The following ERFE variants were observed in gnomAD, a reference collection of about 807,000 sequenced individuals.
The protein encoded by ERFE is erythroferrone.
Under a neutral mutation model 26.6 loss-of-function variants are expected in ERFE, and 25 were observed. The observed-to-expected ratio is 0.94, with a 90% CI of 0.69 to 1.31. The LOEUF (loss-of-function observed/expected upper bound fraction) is 1.31. Ranked by LOEUF, ERFE falls within the 40% of genes most tolerant of loss-of-function variation. ERFE has a pLI of 0.00. For synonymous variants in ERFE, 206 were observed against 204.5 expected (o/e 1.01, Z -0.06); for missense variants, 447 against 440.2 (o/e 1.02, Z -0.14).
Position 238,168,517 on chromosome 2 carries a change from C to T in ERFE, c.*1463C>T, listed in dbSNP as rs755610243. ...CGGATGAGGTGGCTGCCACCAGGCC[C>T]GAATGATCCCCAGGAGCCCAGCTTC... is the stretch of plus-strand genomic sequence containing the variant. On this transcript the variant is annotated 3_prime_UTR_variant, in exon 8 of 8. Transcript: ENST00000546354. 27 of 464,156 alleles carry T rather than the reference C, an allele frequency of 5.8e-5. No individual in the cohort carries two copies. Among genetic ancestry groups the T allele is most frequent in the South Asian group, 3.9e-4 (25 of 63,768 alleles). The allele number at this position is 464,156 out of a possible 1,614,324, so 28.8% of individuals were successfully genotyped here.
At chr2:238,165,138 T>A (rs910374596) in intron 6 of ERFE, among the ~76,000 whole-genome samples, 1 of 152,184 alleles carries the variant, frequency 6.6e-6, no homozygotes, top group African/African-American at 2.4e-5. Flanking sequence ...ACGAGTGCAG[T>A]GACTGTGAGC....
Position 238,161,240 on chromosome 2 carries a change from G to A in ERFE, c.199-354G>A, listed in dbSNP as rs902993108. On this transcript the variant is annotated intron_variant, in intron 1 of 7. Coordinates refer to ENST00000546354, the MANE Select transcript of ERFE (RefSeq NM_001291832.2). Reference sequence around the variant, plus strand: ...CGGATCCTCCTGGTGACTGGAGGACGGTGTGATCACTGCAGCTCCTCTGGA... The same window carrying A: ...CGGATCCTCCTGGTGACTGGAGGACAGTGTGATCACTGCAGCTCCTCTGGA... Among the ~76,000 whole-genome samples, 8 of 152,168 alleles carry A rather than the reference G, an allele frequency of 5.3e-5. No individual in the cohort carries two copies. The South Asian group carries it at 6.2e-4, about 12-fold the overall frequency.
Position 238,163,862 on chromosome 2 carries a change from G to C in ERFE, c.550G>C (p.Asp184His), listed in dbSNP as rs1453951937. Reference protein sequence around the residue: ...AGEDDDDVVGDVLALLAAPLA... With the variant: ...AGEDDDDVVGHVLALLAAPLA... ...GGAGGACGACGACGACGTGGTGGGGGACGTGCTGGCACTGCTGGCCGCGCC... is the reference window on the plus strand; with the variant it reads ...GGAGGACGACGACGACGTGGTGGGGCACGTGCTGGCACTGCTGGCCGCGCC... Residue 184 changes from aspartate to histidine, a missense_variant, in exon 4 of 8, where the codon GAC (aspartate) becomes CAC (histidine). By Grantham distance (81) the Asp-to-His change is moderately conservative. Coordinates refer to ENST00000546354, the MANE Select transcript of ERFE (RefSeq NM_001291832.2). 1 of 1,321,986 alleles carries C rather than the reference G, an allele frequency of 7.6e-7. No homozygotes were observed. Among genetic ancestry groups the C allele is most frequent in the Non-Finnish European group, 9.6e-7 (1 of 1,043,806 alleles). 81.9% of individuals were successfully genotyped at this position (1,321,986 alleles called of 1,614,324 possible). A position where few individuals can be genotyped will look rare whatever the true frequency, so the allele number is the denominator to read the frequency against.
rs771423741 is a variant in ERFE, at chr2:238,168,094, C to G, written c.*1040C>G. 3.2e-5 allele frequency: 7 copies of G among 221,952 alleles called. No individual in the cohort carries two copies. The South Asian group carries it at 3.6e-4, about 11-fold the overall frequency. The allele number at this position is 221,952 out of a possible 1,614,324, so 13.7% of individuals were successfully genotyped here. A position where few individuals can be genotyped will look rare whatever the true frequency, so the allele number is the denominator to read the frequency against. ...GCGCTGACATTGGACAGGTGGTGGA[C>G]GAGAGATGGTCCCGAGAAAGGGTGG... On this transcript the variant is annotated 3_prime_UTR_variant, in exon 8 of 8. Coordinates refer to ENST00000546354, the MANE Select transcript of ERFE (RefSeq NM_001291832.2).
In ERFE at chr2:238,167,011, T is replaced by C. The variant is rs1433371471; in HGVS notation, c.1022T>C (p.Val341Ala). ...LDNASGCSLT[V>A]RSGSHFSAVL... ...AACGCCAGCGGCTGCTCCCTCACAG[T>C]GCGCAGTGGCTCCCACTTCAGTGCT... Residue 341 changes from valine to alanine, a missense_variant, in exon 8 of 8, where the codon GTG (valine) becomes GCG (alanine). Coordinates refer to ENST00000546354, the MANE Select transcript of ERFE (RefSeq NM_001291832.2). 2.6e-6 allele frequency: 4 copies of C among 1,550,512 alleles called. No homozygotes were observed. The highest frequency in any genetic ancestry group is 2.0e-5 in the Admixed American group (1 of 51,008).
rs893179735 is a variant in ERFE, at chr2:238,162,766, G to C, written c.352G>C (p.Gly118Arg). The C allele has an allele frequency of 6.5e-7, 1 of 1,550,088 alleles. No individual in the cohort carries two copies. ...FGLPGPPGPPGPQGPPGPIIP... is the reference protein window; with the variant it reads ...FGLPGPPGPPRPQGPPGPIIP... ...CTTGCCAGGGCCCCCTGGGCCTCCCGGTCCCCAGGGCCCCCCAGGCCCCAT... is the reference window on the plus strand; with the variant it reads ...CTTGCCAGGGCCCCCTGGGCCTCCCCGTCCCCAGGGCCCCCCAGGCCCCAT... The change falls in exon 3 of 8, where the codon GGT (glycine) becomes CGT (arginine). Residue 118 changes from glycine (G) to arginine (R), a missense_variant. Transcript: ENST00000546354.
In ERFE at chr2:238,159,222, C is replaced by G; in HGVS notation, c.198+17C>G. On this transcript the variant is annotated intron_variant, in intron 1 of 7. Transcript: ENST00000546354. The stretch of plus-strand genomic sequence containing the variant: ...CGTCCGCCGGTAAGACGCCCGGGCC[C>G]GCTCCAGACCCAGCCCGCGCCCGCA... 4.8e-6 allele frequency: 1 copy of G among 208,238 alleles called. No individual in the cohort carries two copies. Among genetic ancestry groups the G allele is most frequent in the Non-Finnish European group, 9.4e-6 (1 of 105,834 alleles). The allele number at this position is 208,238 out of a possible 1,614,324, so 12.9% of individuals were successfully genotyped here. A position where few individuals can be genotyped will look rare whatever the true frequency, so the allele number is the denominator to read the frequency against.
chr2:238,163,691 C>A (rs571192774), intron 3 of ERFE, 46 bp from the exon 4 acceptor site: 4 of 1,266,240 alleles, frequency 3.2e-6, no homozygotes, highest in Non-Finnish European at 4.0e-6. Context: ...ACGCGGCGGG[C>A]GGGTGAGGGG....
intron 3 of ERFE, 124 bp from the exon 4 acceptor site, chr2:238,163,613 C>T: frequency 8.7e-7 from 1 of 1,147,832 alleles, no homozygotes; most frequent in Non-Finnish European, 1.1e-6. Context: ...GGGGACGTCG[C>T]CCTCGCCCCA....
intron 7 of ERFE, 69 bp downstream of exon 7, chr2:238,165,753 G>A (rs1693024461): frequency 1.4e-6 from 2 of 1,425,544 alleles, no homozygotes; most frequent in African/African-American, 2.8e-5. Context: ...GGGTGCAGAA[G>A]GGTGCTGTTA....
In ERFE at chr2:238,164,398, G is replaced by A. The variant is rs1692998532; in HGVS notation, c.887+38G>A. The A allele has an allele frequency of 3.9e-6, 6 of 1,532,722 alleles. No homozygotes were observed. The East Asian group carries it at 1.5e-4, about 38-fold the overall frequency. The allele number at this position is 1,532,722 out of a possible 1,614,324, so 94.9% of individuals were successfully genotyped here. ...CGGCCCGGACCCCACACCCGCATTC[G>A]CTCGGCCTCCACAAGCTGGAGGTGG... On this transcript the variant is annotated intron_variant, in intron 6 of 7. Transcript: ENST00000546354.
rs1472322308 is a variant in ERFE at position 238,159,054 on chromosome 2, ACGCGGGCCTGCTGGCCGCCGCCGC to A, written c.58_81del (p.Leu20_Leu27del). 2.4e-4 allele frequency: 60 copies of A among 252,568 alleles called. No homozygotes were observed. The highest frequency in any genetic ancestry group is 1.1e-3 in the East Asian group (14 of 12,838). The allele number at this position is 252,568 out of a possible 1,614,324, so 15.6% of individuals were successfully genotyped here. On this transcript the variant is annotated inframe_deletion, in exon 1 of 8. Transcript: ENST00000546354. The stretch of plus-strand genomic sequence containing the variant: ...GCCGGAGCCCGCCTGCTGCTCGTCT[ACGCGGGCCTGCTGGCCGCCGCCGC>A]CGCGGGCCTGGGGTCCCCGGAGCCT...
At chr2:238,161,474 G>C (rs954142139) in intron 1 of ERFE, 120 bp from the exon 2 acceptor site, 1 of 1,289,258 alleles carries the variant, frequency 7.8e-7, no homozygotes, top group Admixed American at 3.0e-5. Context: ...GGCACCACAG[G>C]TGACAAGGAC....
In ERFE at chr2:238,163,747, G is replaced by A; in HGVS notation, c.435G>A (p.Arg145=). 1 of 1,346,058 alleles carries A rather than the reference G, an allele frequency of 7.4e-7. No individual in the cohort carries two copies. The highest frequency in any genetic ancestry group is 9.5e-7 in the Non-Finnish European group (1 of 1,054,204). The allele number at this position is 1,346,058 out of a possible 1,614,324, so 83.4% of individuals were successfully genotyped here. The change falls in exon 4 of 8, where the codon CGG becomes CGA. Residue 145 remains arginine, a synonymous_variant. Coordinates refer to ENST00000546354, the MANE Select transcript of ERFE (RefSeq NM_001291832.2). ...EFQLLLKGAV[R]QRERAEPEPC... Reference sequence around the variant, plus strand: ...CTCGCTCTGTGCCAGGTGCGGTGCGGCAGCGGGAGCGCGCGGAGCCCGAAC... The same window carrying A: ...CTCGCTCTGTGCCAGGTGCGGTGCGACAGCGGGAGCGCGCGGAGCCCGAAC...
Position 238,164,314 on chromosome 2 carries a change from C to A in ERFE, c.841C>A (p.His281Asn). The change falls in exon 6 of 8, where the codon CAC becomes AAC. Residue 281 changes from histidine (H) to asparagine (N), a missense_variant. His to Asn is a moderately conservative substitution (Grantham distance 68, BLOSUM62 1). Coordinates refer to ENST00000546354, the MANE Select transcript of ERFE (RefSeq NM_001291832.2). ...GAGGGGGCCGCCGCGCCCCCGGGAC[C>A]ACCTGCGCCTGCTCATCTGCATCCA... Reference protein sequence around the residue: ...PRRGPPRPRDHLRLLICIQSR... With the variant: ...PRRGPPRPRDNLRLLICIQSR... The A allele has an allele frequency of 6.5e-7, 1 of 1,527,064 alleles. No homozygotes were observed. The allele number at this position is 1,527,064 out of a possible 1,614,324, so 94.6% of individuals were successfully genotyped here.
At chr2:238,159,424 TAAAGC>T (rs1692906138) in intron 1 of ERFE, among the ~76,000 whole-genome samples, 1 of 152,128 alleles carries the variant, frequency 6.6e-6, no homozygotes. Context: ...TAGTTTGACT[TAAAGC>T]AAGGTTCTAC....
rs994063124 is a variant in ERFE, at chr2:238,162,896, G to T, written c.424+58G>T. On this transcript the variant is annotated intron_variant, in intron 3 of 7. Transcript: ENST00000546354. ...CCCGCTGTGAGCAGGGCCTGGGAGG[G>T]TGTCCCGAGGAGCTGACAGGGCCAA... 2.6e-5 allele frequency: 36 copies of T among 1,396,118 alleles called. No homozygotes were observed. The Middle Eastern group carries it at 5.5e-4, about 21-fold the overall frequency. The allele number at this position is 1,396,118 out of a possible 1,614,324, so 86.5% of individuals were successfully genotyped here.
At chr2:238,165,487 C>A (rs1185666644) in intron 6 of ERFE, 119 bp from the exon 7 acceptor site, 2 of 793,976 alleles carry the variant, frequency 2.5e-6, no homozygotes, top group East Asian at 5.5e-5. Context: ...CACTGGAAGA[C>A]CTGGCCAGGG....
chr2:238,163,863 A>G lies in ERFE; in HGVS notation c.551A>G (p.Asp184Gly). 7.6e-7 allele frequency: 1 copy of G among 1,314,096 alleles called. No homozygotes were observed. The highest frequency in any genetic ancestry group is 9.6e-7 in the Non-Finnish European group (1 of 1,039,006). 81.4% of individuals were successfully genotyped at this position (1,314,096 alleles called of 1,614,324 possible). A position where few individuals can be genotyped will look rare whatever the true frequency, so the allele number is the denominator to read the frequency against. The change falls in exon 4 of 8, where the codon GAC becomes GGC. Residue 184 changes from aspartate (D) to glycine (G), a missense_variant. Coordinates refer to ENST00000546354, the MANE Select transcript of ERFE (RefSeq NM_001291832.2). The stretch of plus-strand genomic sequence containing the variant: ...GAGGACGACGACGACGTGGTGGGGG[A>G]CGTGCTGGCACTGCTGGCCGCGCCC... Reference protein sequence around the residue: ...AGEDDDDVVGDVLALLAAPLA... With the variant: ...AGEDDDDVVGGVLALLAAPLA...
Sources: allele counts gnomAD v4.1 joint callset (sites outside exome capture counted in the v4.1 genomes callset), GRCh38; gene constraint gnomAD v4.1.1; transcripts MANE v1.5; gene names NCBI Gene and HGNC (gene_info 2026-07-23, HGNC 2026-07-21).